The following HDAC6 variants were observed in gnomAD, a reference collection of about 807,000 sequenced individuals.
The protein encoded by HDAC6 is histone deacetylase 6, also known as protein deacetylase HDAC6.
A neutral mutation model predicts 88.9 loss-of-function variants in HDAC6; 5 were observed. The observed-to-expected ratio is 0.06, with a 90% CI of 0.03 to 0.12. The LOEUF (loss-of-function observed/expected upper bound fraction) is 0.12, where lower values mean the gene tolerates loss of function less well. HDAC6 is among the 10% of genes least tolerant of loss of function. The probability of loss-of-function intolerance (pLI) is 1.00; values close to 1 mark genes in which losing one functional copy is unlikely to be tolerated. For synonymous variants in HDAC6, 378 were observed against 398.0 expected, an observed-to-expected ratio of 0.95 and a Z score of 0.60; for missense variants, 706 against 1,014.4, an observed-to-expected ratio of 0.70 and a Z score of 4.13.
In HDAC6 at chrX:48,822,711, G is replaced by A. The variant is rs782665404; in HGVS notation, c.2429G>A (p.Arg810Gln). ...CCACCACCCCTGCTGACCCTGCCAC[G>A]GCCCCCACTATCAGGGGCCCTGGCC... ...GDPPPLLTLP[R>Q]PPLSGALASI... is the part of the protein sequence containing the mutation. Residue 810 changes from arginine to glutamine, a missense_variant, in exon 24 of 29, where the codon CGG (arginine) becomes CAG (glutamine). By Grantham distance (43) the Arg-to-Gln change is conservative (BLOSUM62 1). Transcript: ENST00000334136. 1.3e-5 allele frequency: 16 copies of A among 1,207,652 alleles called. No homozygotes were observed. The East Asian group carries it at 3.3e-4, about 25-fold the overall frequency.
intron 23 of HDAC6, among the ~76,000 whole-genome samples, chrX:48,822,224 T>C (rs781915727): frequency 6.7e-4 from 75 of 111,453 alleles, no homozygotes; most frequent in Non-Finnish European, 1.0e-3. Context: ...GGCCAGGGGT[T>C]CCTGGACAGT....
chrX:48,821,273 T>C (rs1403802347), intron 23 of HDAC6, among the ~76,000 whole-genome samples: 1 of 108,418 alleles, frequency 9.2e-6, no homozygotes, highest in Non-Finnish European at 1.9e-5. Flanking sequence ...AGTGGTGCGA[T>C]TGTGGCTCAC....
chrX:48,806,763 T>A, intron 8 of HDAC6, 57 bp downstream of exon 8: 1 of 682,427 alleles, frequency 1.5e-6, no homozygotes. Flanking sequence ...CCTTCAAGTG[T>A]AAAATGTATT....
At chrX:48,822,025 A>C (rs1336126528) in intron 23 of HDAC6, among the ~76,000 whole-genome samples, 2 of 111,830 alleles carry the variant, frequency 1.8e-5, no homozygotes, top group African/African-American at 6.5e-5. Context: ...AACCACTCTG[A>C]GCCTCAGTTT....
chrX:48,813,948 G>A (rs1477198179), intron 10 of HDAC6: 1 of 114,703 alleles, frequency 8.7e-6, no homozygotes, highest in Admixed American at 9.1e-5. Flanking sequence ...GCTCCCCGCA[G>A]CTAAGAGCCC....
Position 48,823,140 on chromosome X carries a change from C to T in HDAC6, c.2741C>T (p.Ala914Val). The T allele has an allele frequency of 1.7e-6, 2 of 1,207,825 alleles. No homozygotes were observed. Among genetic ancestry groups the T allele is most frequent in the Non-Finnish European group, 2.2e-6 (2 of 893,590 alleles). Residue 914 changes from alanine (A) to valine (V), a missense_variant, in exon 25 of 29, where the codon GCC becomes GTC. Physicochemically the swap from Ala to Val is moderately conservative, Grantham distance 64 (BLOSUM62 0). Around this residue, in one of 9 missense-constraint regions of HDAC6, gnomAD observed 89 missense variants for 90.9 expected, o/e 0.98. Transcript: ENST00000334136. Reference sequence around the variant, plus strand: ...ACTCAGGACCAGCCCTCAGAGGCAGCCACAGGGGGAGCCACTCTGGCCCAG... The same window carrying T: ...ACTCAGGACCAGCCCTCAGAGGCAGTCACAGGGGGAGCCACTCTGGCCCAG... ...ALTQDQPSEA[A>V]TGGATLAQTI... is the part of the protein sequence containing the mutation.
chrX:48,823,623 G>A, intron 25 of HDAC6, 35 bp downstream of exon 25: 1 of 1,195,803 alleles, frequency 8.4e-7, no homozygotes, highest in South Asian at 1.8e-5. Context: ...GGGCAAGAAG[G>A]GGCAAGAATC....
At chrX:48,807,874 G>A (rs1441271930) in intron 8 of HDAC6, among the ~76,000 whole-genome samples, 159 bp from the exon 9 acceptor site, 1 of 111,382 alleles carries the variant, frequency 9.0e-6, no homozygotes, top group Non-Finnish European at 1.9e-5. Context: ...TTGGCAGGGG[G>A]TGAGAGTTTG....
intron 6 of HDAC6, chrX:48,805,924 T>A: frequency 2.3e-6 from 1 of 426,410 alleles, no homozygotes; most frequent in Non-Finnish European, 4.1e-6. Flanking sequence ...CTATTACTGT[T>A]ATCATGATCT....
At position 48,823,212 on chromosome X, in the gene HDAC6, C is replaced by A; in HGVS notation, c.2813C>A (p.Thr938Asn). The A allele has an allele frequency of 8.3e-7, 1 of 1,205,306 alleles. No homozygotes were observed. Among genetic ancestry groups the A allele is most frequent in the Admixed American group, 2.2e-5 (1 of 45,226 alleles). ...GGGGGAGCCATGCTGGGCCAGACCA[C>A]CTCAGAGGAGGCTGTCGGGGGAGCC... is the stretch of plus-strand genomic sequence containing the variant. Reference protein sequence around the residue: ...AIGGAMLGQTTSEEAVGGATP... With the variant: ...AIGGAMLGQTNSEEAVGGATP... The change falls in exon 25 of 29, where the codon ACC (threonine) becomes AAC (asparagine). Residue 938 changes from threonine (T) to asparagine (N), a missense_variant. Thr to Asn is a moderately conservative substitution (Grantham distance 65). Around this residue, in one of 9 missense-constraint regions of HDAC6, gnomAD observed 89 missense variants for 90.9 expected, o/e 0.98. Coordinates refer to ENST00000334136, the MANE Select transcript of HDAC6 (RefSeq NM_006044.4).
chrX:48,805,781 C>A, intron 6 of HDAC6, 110 bp downstream of exon 6: 1 of 624,138 alleles, frequency 1.6e-6, no homozygotes, highest in Non-Finnish European at 2.6e-6. Flanking sequence ...CAGCCTTGGG[C>A]AAGTCGCTGA....
chrX:48,808,956 C>A (rs1294377097), intron 10 of HDAC6, among the ~76,000 whole-genome samples: 1 of 112,291 alleles, frequency 8.9e-6, no homozygotes, highest in Non-Finnish European at 1.9e-5. Flanking sequence ...TGTTCTTCGA[C>A]AACTTGCTTT....
chrX:48,803,356 G>A, intron 4 of HDAC6, 140 bp downstream of exon 4: 1 of 486,480 alleles, frequency 2.1e-6, no homozygotes, highest in Non-Finnish European at 3.5e-6. Flanking sequence ...ACACTTGAAA[G>A]GGTTCTTTTA....
chrX:48,823,400 G>A lies in HDAC6; in HGVS notation c.3001G>A (p.Gly1001Arg). 3 of 1,210,507 alleles carry A rather than the reference G, an allele frequency of 2.5e-6. No individual in the cohort carries two copies. The South Asian group carries it at 5.3e-5, about 21-fold the overall frequency. ...GACCACCTCGGAGGCAGCCATGGAG[G>A]GAGCCACACTGGACCAGACTACGTC... Reference protein sequence around the residue: ...AQTTSEAAMEGATLDQTTSEE... With the variant: ...AQTTSEAAMERATLDQTTSEE... The change falls in exon 25 of 29, where the codon GGA (glycine) becomes AGA (arginine). Residue 1001 changes from glycine (G) to arginine (R), a missense_variant. Transcript: ENST00000334136.
rs782782779 is a variant in HDAC6 at position 48,806,669 on chromosome X, C to T, written c.595C>T (p.Leu199=). Residue 199 remains leucine, a synonymous_variant, in exon 8 of 29, where the codon CTG becomes TTG. Coordinates refer to ENST00000334136, the MANE Select transcript of HDAC6 (RefSeq NM_006044.4). The part of the protein sequence containing the change: ...GSVLRLVDAV[L]GAEIRNGMAI... The stretch of plus-strand genomic sequence containing the variant: ...TGTCCTCAGGCTGGTGGATGCGGTC[C>T]TGGGGGCTGAGATCCGGAATGGCAT... 3.3e-6 allele frequency: 4 copies of T among 1,206,799 alleles called. No homozygotes were observed. The African/African-American group carries it at 7.0e-5, about 21-fold the overall frequency.
intron 22 of HDAC6, chrX:48,819,480 CTCTG>C (rs1557028947): frequency 7.4e-6 from 1 of 135,958 alleles, no homozygotes; most frequent in African/African-American, 3.3e-5. Context: ...GAGGACATGT[CTCTG>C]TCTCTCTGTT....
chrX:48,822,835 AG>A (rs1348193817), intron 24 of HDAC6, 41 bp downstream of exon 24: 1 of 1,156,799 alleles, frequency 8.6e-7, no homozygotes, highest in Non-Finnish European at 1.2e-6. Context: ...CCAGGGAAGG[AG>A]GGGGCTGAGG....
intron 22 of HDAC6, chrX:48,819,829 C>T (rs1385117325): frequency 4.7e-6 from 2 of 424,255 alleles, no homozygotes; most frequent in African/African-American, 4.9e-5. Context: ...CCTGAGCCAC[C>T]ATGCCCGGCC....
chrX:48,818,720 C>T (rs1420744017), intron 22 of HDAC6, among the ~76,000 whole-genome samples: 1 of 112,180 alleles, frequency 8.9e-6, no homozygotes, highest in Non-Finnish European at 1.9e-5. Flanking sequence ...GTTGTATGTG[C>T]GTGCCATCAC....
Sources: gnomAD v4.1 joint callset for allele counts (sites outside exome capture counted in the v4.1 genomes callset) on GRCh38, gnomAD v4.1.1 for gene constraint, gnomAD v4.1.1 regional missense constraint, MANE v1.5 for transcripts, NCBI Gene and HGNC (gene_info 2026-07-23, HGNC 2026-07-21) for gene names.